EXTL3: variants seen among roughly 807,000 people sequenced by gnomAD.
EXTL3 encodes the protein exostosin-like 3.
A neutral mutation model predicts 69.3 loss-of-function variants in EXTL3; 27 were observed. That is an observed-to-expected ratio of 0.39 (90% confidence interval 0.29 to 0.54). The LOEUF (loss-of-function observed/expected upper bound fraction) is 0.54. Ranked by LOEUF, EXTL3 falls within the 20% of genes least tolerant of loss-of-function variation. The pLI is 0.69. For missense variants in EXTL3, 1,003 were observed against 1,231.8 expected, an observed-to-expected ratio of 0.81 and a Z score of 2.78; for synonymous variants, 511 against 499.4, an observed-to-expected ratio of 1.02 and a Z score of -0.31.
intron 1 of EXTL3, among the ~76,000 whole-genome samples, chr8:28,647,670 G>A (rs1806855154): frequency 6.6e-6 from 1 of 152,102 alleles, no homozygotes; most frequent in East Asian, 1.9e-4. Flanking sequence ...TTTTGCTGAT[G>A]GTTCTTTTCT....
intron 1 of EXTL3, among the ~76,000 whole-genome samples, chr8:28,627,555 A>T (rs1196584248): frequency 6.6e-6 from 1 of 152,108 alleles, no homozygotes; most frequent in African/African-American, 2.4e-5. Context: ...TGAAACATAG[A>T]ATTATCATGT....
intron 1 of EXTL3, among the ~76,000 whole-genome samples, chr8:28,624,292 G>T (rs1189667224): frequency 2.0e-5 from 3 of 152,194 alleles, no homozygotes; most frequent in Admixed American, 6.5e-5. Context: ...GGCCGGGTGT[G>T]GTGGCTCACA....
intron 5 of EXTL3, chr8:28,740,983 T>G (rs993890579): frequency 5.9e-5 from 9 of 152,222 alleles, no homozygotes; most frequent in African/African-American, 2.2e-4. Context: ...AGATGGAGTC[T>G]TCTCGCTTCT....
At position 28,716,115 on chromosome 8, in the gene EXTL3, G is replaced by T. The variant is rs764257611; in HGVS notation, c.56G>T (p.Cys19Phe). 3 of 1,613,392 alleles carry T rather than the reference G, an allele frequency of 1.9e-6. No homozygotes were observed. Among genetic ancestry groups the T allele is most frequent in the East Asian group, 2.2e-5 (1 of 44,884 alleles). ...GGCGCGGGGAACGGAGGTCAGACCTGCATGCTGCGCTGGTCCAACCGCATC... is the reference window on the plus strand; with the variant it reads ...GGCGCGGGGAACGGAGGTCAGACCTTCATGCTGCGCTGGTCCAACCGCATC... ...NGGAGNGGQT[C>F]MLRWSNRIRL... is the part of the protein sequence containing the mutation. The change falls in exon 3 of 7, where the codon TGC becomes TTC. Residue 19 changes from cysteine to phenylalanine, a missense_variant. Transcript: ENST00000220562. The surrounding 1 kb of genome is among the most constrained non-coding windows in gnomAD (Gnocchi z 7.1).
At chr8:28,656,362 A>G (rs1807011893) in intron 1 of EXTL3, among the ~76,000 whole-genome samples, 1 of 151,976 alleles carries the variant, frequency 6.6e-6, no homozygotes, top group Non-Finnish European at 1.5e-5. Context: ...GGATTTCACC[A>G]TTGTTGCCCA....
rs190980679 is a variant in EXTL3, at chr8:28,637,027, G to A, written c.-53+14217G>A. Among the ~76,000 whole-genome samples the A allele has an allele frequency of 6.6e-3, 984 of 148,178 alleles. 7 individuals are homozygous for A. Among genetic ancestry groups the A allele is most frequent in the Non-Finnish European group, 0.01 (675 of 67,152 alleles). ...GTGGAGGGGGTGGGGCGGGGAGAGG[G>A]AGGGAGCGGGGAAGGGAGGAAGGAA... On this transcript the variant is annotated intron_variant, in intron 1 of 6. Transcript: ENST00000523149.
chr8:28,633,051 A>T (rs1308634709), intron 1 of EXTL3, among the ~76,000 whole-genome samples: 1 of 152,202 alleles, frequency 6.6e-6, no homozygotes, highest in East Asian at 1.9e-4. Flanking sequence ...AAAAAATTAA[A>T]ATAGAGGCCG....
Position 28,751,156 on chromosome 8 carries a change from C to T in EXTL3, c.*290C>T, listed in dbSNP as rs972328823. 4 of 457,994 alleles carry T rather than the reference C, an allele frequency of 8.7e-6. No homozygotes were observed. The highest frequency in any genetic ancestry group is 3.5e-5 in the Admixed American group (1 of 28,530). 28.4% of individuals were successfully genotyped at this position (457,994 alleles called of 1,614,324 possible). ...GAGTCACTCACACCGTTCGTACGCC[C>T]AGGACAGCTGGTTCGTGGTTTTTAC... On this transcript the variant is annotated 3_prime_UTR_variant, in exon 7 of 7. Transcript: ENST00000220562.
intron 1 of EXTL3, among the ~76,000 whole-genome samples, chr8:28,709,400 C>CCT (rs553980481): frequency 6.6e-6 from 1 of 152,050 alleles, no homozygotes; most frequent in Non-Finnish European, 1.5e-5. Context: ...AAGCGTCTAG[C>CCT]CTCTCTCTCT....
At position 28,716,628 on chromosome 8, in the gene EXTL3, T is replaced by C; in HGVS notation, c.569T>C (p.Leu190Pro). The C allele has an allele frequency of 3.7e-6, 6 of 1,614,242 alleles. No individual in the cohort carries two copies. Among genetic ancestry groups the C allele is most frequent in the Non-Finnish European group, 5.1e-6 (6 of 1,180,036 alleles). The part of the protein sequence containing the change: ...HNCFDYSRCP[L>P]TSGFPVYVYD... ...TGCTTTGATTATTCTCGTTGCCCTCTCACCTCTGGCTTCCCGGTCTACGTC... is the reference window on the plus strand; with the variant it reads ...TGCTTTGATTATTCTCGTTGCCCTCCCACCTCTGGCTTCCCGGTCTACGTC... Residue 190 changes from leucine to proline, a missense_variant, in exon 3 of 7, where the codon CTC becomes CCC. Physicochemically the swap from Leu to Pro is moderately conservative, Grantham distance 98. This residue lies in a region of EXTL3 where 742 missense variants were observed against 815.4 expected (regional missense o/e 0.91). Coordinates refer to ENST00000220562, the MANE Select transcript of EXTL3 (RefSeq NM_001440.4). This position sits in a 1 kb window ranked among gnomAD's most constrained non-coding sequence, Gnocchi z 7.1.
intron 1 of EXTL3, among the ~76,000 whole-genome samples, chr8:28,640,007 C>T (rs928217989): frequency 1.1e-4 from 16 of 152,088 alleles, no homozygotes; most frequent in Admixed American, 7.2e-4. Context: ...GGCTGAAGCA[C>T]GAGAATCACT....
At chr8:28,712,097 G>A (rs1422856836) in intron 1 of EXTL3, among the ~76,000 whole-genome samples, 1 of 152,090 alleles carries the variant, frequency 6.6e-6, no homozygotes, top group Non-Finnish European at 1.5e-5. Flanking sequence ...AGAGAGCATC[G>A]GGGGGTAAGA....
intron 1 of EXTL3, among the ~76,000 whole-genome samples, chr8:28,681,611 T>G (rs1181175101): frequency 6.6e-6 from 1 of 152,100 alleles, no homozygotes; most frequent in Non-Finnish European, 1.5e-5. Flanking sequence ...AACAAGAGAG[T>G]GCAGATATAT....
chr8:28,626,317 C>T (rs1239699365), intron 1 of EXTL3, among the ~76,000 whole-genome samples: 1 of 152,070 alleles, frequency 6.6e-6, no homozygotes, highest in Non-Finnish European at 1.5e-5. Context: ...GGGGGAGCCA[C>T]TGGAAACTTT....
intron 1 of EXTL3, among the ~76,000 whole-genome samples, chr8:28,659,627 A>G (rs1807075116): frequency 6.6e-6 from 1 of 152,150 alleles, no homozygotes; most frequent in African/African-American, 2.4e-5. Flanking sequence ...TCGGTTTCCC[A>G]GATGCAACCC....
intron 1 of EXTL3, among the ~76,000 whole-genome samples, chr8:28,642,070 C>T (rs974474876): frequency 4.0e-5 from 6 of 151,512 alleles, no homozygotes; most frequent in South Asian, 4.2e-4. Context: ...CTCCTGACCT[C>T]GTGATCCGCC....
intron 2 of EXTL3, among the ~76,000 whole-genome samples, chr8:28,610,635 C>T (rs1806259282): frequency 6.6e-6 from 1 of 152,114 alleles, no homozygotes; most frequent in Admixed American, 6.6e-5. Flanking sequence ...TTAATTTTCA[C>T]ACCATACCTA....
At chr8:28,614,955 G>C (rs1806313434) in intron 2 of EXTL3, among the ~76,000 whole-genome samples, 1 of 151,630 alleles carries the variant, frequency 6.6e-6, no homozygotes, top group Admixed American at 6.6e-5. Flanking sequence ...CTCCCACCAG[G>C]TATAAAGCCC....
In EXTL3 at chr8:28,631,143, C is replaced by CTTTTTT. The variant is rs10659135; in HGVS notation, c.-53+8341_-53+8346dup. On this transcript the variant is annotated intron_variant, in intron 1 of 6. Transcript: ENST00000523149. ...TACACAGATTCAACTTTAGAGAGGA[C>CTTTTTT]TTTTTTTTTTTTTCTGGAGCTAAAT... is the stretch of plus-strand genomic sequence containing the variant. Among the ~76,000 whole-genome samples, 391 of 144,770 alleles carry CTTTTTT rather than the reference C, an allele frequency of 2.7e-3. 7 individuals carry two copies. The highest frequency in any genetic ancestry group is 3.3e-3 in the Non-Finnish European group (218 of 65,872). 95.0% of individuals were successfully genotyped at this position (144,770 alleles called of 152,430 possible).
Sources: gnomAD v4.1 joint callset for allele counts (sites outside exome capture counted in the v4.1 genomes callset) on GRCh38, gnomAD v4.1.1 for gene constraint, gnomAD v4.1.1 regional missense constraint, Gnocchi (gnomAD v3.1) non-coding constraint, MANE v1.5 for transcripts, NCBI Gene and HGNC (gene_info 2026-07-23, HGNC 2026-07-21) for gene names.